The following MEI4 variants were observed in gnomAD, a reference collection of about 807,000 sequenced individuals.
The protein encoded by MEI4 is meiotic double-stranded break formation protein 4.
A neutral mutation model predicts 31.4 loss-of-function variants in MEI4; 27 were observed. The ratio of observed to expected loss-of-function variants is 0.86; its 90% CI spans 0.63 to 1.19. MEI4 has a LOEUF of 1.19. MEI4 is among the 50% of genes most tolerant of loss of function. The probability of loss-of-function intolerance (pLI) is 0.00; values close to 1 mark genes in which losing one functional copy is unlikely to be tolerated. For synonymous variants in MEI4, 122 were observed against 145.4 expected (o/e 0.84, Z 1.16); for missense variants, 329 against 398.9 (o/e 0.82, Z 1.49).
At chr6:77,754,958 G>T (rs1767874920) in intron 2 of MEI4, among the ~76,000 whole-genome samples, 1 of 152,082 alleles carries the variant, frequency 6.6e-6, no homozygotes, top group African/African-American at 2.4e-5. Context: ...ATTTAAATGG[G>T]GACACAGAAC....
rs375883143 is a variant in MEI4, at chr6:77,868,516, T to TATATATATATATATAC, written c.900+39466_900+39467insATACATATATATATAT. Among the ~76,000 whole-genome samples, 10 of 133,772 alleles carry TATATATATATATATAC rather than the reference T, an allele frequency of 7.5e-5. 1 individual carries two copies. Among genetic ancestry groups the TATATATATATATATAC allele is most frequent in the Non-Finnish European group, 9.5e-5 (6 of 62,928 alleles). The allele number at this position is 133,772 out of a possible 152,430, so 87.8% of individuals were successfully genotyped here. A position where few individuals can be genotyped will look rare whatever the true frequency, so the allele number is the denominator to read the frequency against. ...AAAAAATACTACATATATATATATA[T>TATATATATATATATAC]ATATATATATATGCAGATTTCAAGT... On this transcript the variant is annotated intron_variant, in intron 4 of 4. Coordinates refer to ENST00000684080, the MANE Select transcript of MEI4 (RefSeq NM_001322247.2).
chr6:77,800,268 G>T (rs6914859), intron 3 of MEI4, among the ~76,000 whole-genome samples: 4,050 of 152,090 alleles, frequency 0.027, 79 homozygotes, highest in South Asian at 0.05. Flanking sequence ...TTGTGAATGG[G>T]AGTTCACTCA....
rs922153293 is a variant in MEI4 at position 77,883,742 on chromosome 6, A to ATATATATATATATATATG, written c.901-39345_901-39344insTATATATATATATATGTA. The stretch of plus-strand genomic sequence containing the variant: ...GATATATATATATATATATATATAT[A>ATATATATATATATATATG]TAACTTTGTCTTTGTCTATTCATTT... On this transcript the variant is annotated intron_variant, in intron 4 of 4. Transcript: ENST00000684080. 3.9e-4 allele frequency among the ~76,000 whole-genome samples: 55 copies of ATATATATATATATATATG among 139,856 alleles called. 1 individual carries two copies. The highest frequency in any genetic ancestry group is 1.5e-3 in the African/African-American group (54 of 35,920). The allele number at this position is 139,856 out of a possible 152,430, so 91.8% of individuals were successfully genotyped here. A position where few individuals can be genotyped will look rare whatever the true frequency, so the allele number is the denominator to read the frequency against.
chr6:77,815,300 C>A (rs1184074289), intron 3 of MEI4, among the ~76,000 whole-genome samples: 1 of 152,030 alleles, frequency 6.6e-6, no homozygotes, highest in East Asian at 1.9e-4. Flanking sequence ...ATCCGAGATC[C>A]ATGTTATTAA....
intron 2 of MEI4, among the ~76,000 whole-genome samples, chr6:77,703,990 A>C (rs767654602): frequency 6.6e-6 from 1 of 152,148 alleles, no homozygotes; most frequent in Non-Finnish European, 1.5e-5. Context: ...TTGAGAAGGA[A>C]CCAGCAGAGA....
chr6:77,782,295 A>C (rs13199793), intron 3 of MEI4, among the ~76,000 whole-genome samples: 1 of 152,006 alleles, frequency 6.6e-6, no homozygotes, highest in South Asian at 2.1e-4. Flanking sequence ...TTATCAGCCT[A>C]TAAGACATTA....
chr6:77,833,987 A>G (rs1770145966), intron 4 of MEI4, among the ~76,000 whole-genome samples: 1 of 152,186 alleles, frequency 6.6e-6, no homozygotes, highest in Non-Finnish European at 1.5e-5. Context: ...GCTGCATAGT[A>G]TTCCATGGTG....
chr6:77,657,720 T>C (rs917403644), intron 1 of MEI4, among the ~76,000 whole-genome samples: 4 of 152,204 alleles, frequency 2.6e-5, no homozygotes, highest in Non-Finnish European at 4.4e-5. Context: ...TTTTCTTTTA[T>C]TCCCTAATAC....
intron 1 of MEI4, among the ~76,000 whole-genome samples, chr6:77,684,240 AC>A (rs1233672274): frequency 1.3e-5 from 2 of 152,040 alleles, no homozygotes; most frequent in Admixed American, 1.3e-4. Flanking sequence ...TAAAACTCTT[AC>A]GTTTTTTAAA....
intron 2 of MEI4, among the ~76,000 whole-genome samples, chr6:77,760,252 A>G (rs1768011007): frequency 6.6e-6 from 1 of 150,844 alleles, no homozygotes; most frequent in Non-Finnish European, 1.5e-5. Context: ...ATACACACAT[A>G]TATGATATAC....
chr6:77,790,129 G>A (rs901607866), intron 3 of MEI4, among the ~76,000 whole-genome samples: 19 of 151,484 alleles, frequency 1.3e-4, no homozygotes, highest in African/African-American at 4.4e-4. Flanking sequence ...GCTGGAGACT[G>A]TCATTCTCAG....
intron 3 of MEI4, among the ~76,000 whole-genome samples, chr6:77,795,313 G>A (rs570198478): frequency 6.6e-6 from 1 of 152,138 alleles, no homozygotes; most frequent in Non-Finnish European, 1.5e-5. Context: ...CTCATGCTTT[G>A]TGGAGTTTAG....
intron 4 of MEI4, among the ~76,000 whole-genome samples, chr6:77,835,160 CAA>C (rs1400046427): frequency 6.7e-6 from 1 of 149,040 alleles, no homozygotes; most frequent in African/African-American, 2.4e-5. Flanking sequence ...CAATCAGAAA[CAA>C]GAGAAAAATG....
At chr6:77,845,172 G>C (rs1173098761) in intron 4 of MEI4, among the ~76,000 whole-genome samples, 4 of 152,124 alleles carry the variant, frequency 2.6e-5, no homozygotes, top group African/African-American at 7.2e-5. Context: ...CTTCTACCTT[G>C]TGTTGAGGCG....
At chr6:77,734,175 G>T (rs1260335600) in intron 2 of MEI4, among the ~76,000 whole-genome samples, 2 of 151,832 alleles carry the variant, frequency 1.3e-5, no homozygotes, top group African/African-American at 2.4e-5. Flanking sequence ...TCAATTCCTG[G>T]GTATCCTTGT....
chr6:77,738,761 C>A (rs1767319836), intron 2 of MEI4, among the ~76,000 whole-genome samples: 1 of 152,142 alleles, frequency 6.6e-6, no homozygotes, highest in Non-Finnish European at 1.5e-5. Context: ...TCTGTTGTTT[C>A]CTGACTTTAA....
At chr6:77,809,385 T>C (rs1157435054) in intron 3 of MEI4, among the ~76,000 whole-genome samples, 1 of 152,160 alleles carries the variant, frequency 6.6e-6, no homozygotes, top group Admixed American at 6.6e-5. Flanking sequence ...GAGAAATGCA[T>C]GCAGTAGTTT....
At chr6:77,883,744 A>ATATATATATAT (rs1491236242) in intron 4 of MEI4, among the ~76,000 whole-genome samples, 29 of 124,916 alleles carry the variant, frequency 2.3e-4, no homozygotes, top group South Asian at 7.0e-4. Context: ...ATATATATAT[A>ATATATATATAT]ACTTTGTCTT....
In MEI4 at chr6:77,744,699, T is replaced by A. The variant is rs200314997; in HGVS notation, c.233-16431T>A. Among the ~76,000 whole-genome samples, 5 of 151,930 alleles carry A rather than the reference T, an allele frequency of 3.3e-5. No homozygotes were observed. In the South Asian group the frequency reaches 6.2e-4, roughly 19 times the overall value. On this transcript the variant is annotated intron_variant, in intron 2 of 4. Coordinates refer to ENST00000684080, the MANE Select transcript of MEI4 (RefSeq NM_001322247.2). ...CACCAAAGTTGAAATGAAGGAAAAA[T>A]TGTTAAGGGCAGCCAGAGAGAAAGG... is the stretch of plus-strand genomic sequence containing the variant.
Sources: allele counts gnomAD v4.1 joint callset (sites outside exome capture counted in the v4.1 genomes callset), GRCh38; gene constraint gnomAD v4.1.1; transcripts MANE v1.5; gene names NCBI Gene and HGNC (gene_info 2026-07-23, HGNC 2026-07-21).